The following NOBOX variants were observed in gnomAD, a reference collection of about 807,000 sequenced individuals.
NOBOX encodes NOBOX oogenesis homeobox.
A neutral mutation model predicts 60.2 loss-of-function variants in NOBOX; 46 were observed. The ratio of observed to expected loss-of-function variants is 0.76; its 90% CI spans 0.60 to 0.98. The LOEUF (loss-of-function observed/expected upper bound fraction) is 0.98, where lower values mean the gene tolerates loss of function less well. NOBOX is among the 50% of genes least tolerant of loss of function. NOBOX has a pLI of 0.00. For missense variants in NOBOX, 880 were observed against 865.5 expected (o/e 1.02, Z -0.21); for synonymous variants, 360 against 346.3 (o/e 1.04, Z -0.44).
chr7:144,404,777 G>A, intron 1 of NOBOX: 1 of 1,370,680 alleles, frequency 7.3e-7, no homozygotes, highest in African/African-American at 1.5e-5. Context: ...AGATCTCACA[G>A]GGGTGCAGCC....
intron 1 of NOBOX, among the ~76,000 whole-genome samples, chr7:144,407,773 G>T (rs144203462): frequency 3.3e-4 from 50 of 152,348 alleles, no homozygotes; most frequent in African/African-American, 1.2e-3. Context: ...GCAGGGCCAG[G>T]ACAAGTTCTG....
chr7:144,399,782 G>A lies in NOBOX; in HGVS notation c.1129C>T (p.Pro377Ser). 1 of 1,612,674 alleles carries A rather than the reference G, an allele frequency of 6.2e-7. No individual in the cohort carries two copies. The highest frequency in any genetic ancestry group is 8.5e-7 in the Non-Finnish European group (1 of 1,179,220). Residue 377 changes from proline (P) to serine (S), a missense_variant, in exon 6 of 10, where the codon CCT becomes TCT. Coordinates refer to ENST00000467773, the MANE Select transcript of NOBOX (RefSeq NM_001080413.3). ...CTGCATTGACTGCTGGCAGGGCCAG[G>A]GGCTGCAGGATTGTCCTTGCTTTCT...
intron 1 of NOBOX, among the ~76,000 whole-genome samples, chr7:144,406,092 C>T (rs758113475): frequency 7.2e-5 from 11 of 152,116 alleles, no homozygotes; most frequent in Non-Finnish European, 1.5e-4. Context: ...CCTTCTCTGC[C>T]ATTGTTTATG....
rs2053920539 is a variant in NOBOX, at chr7:144,399,454, G to A, written c.1183C>T (p.Pro395Ser). 1.3e-6 allele frequency: 2 copies of A among 1,585,090 alleles called. No homozygotes were observed. The highest frequency in any genetic ancestry group is 1.7e-6 in the Non-Finnish European group (2 of 1,165,404). ...AAAGGGTCAGGCTTTGGCTCCATGG[G>A]CACAGCAGGTAGGATCTCAGCTGCA... Residue 395 changes from proline (P) to serine (S), a missense_variant, in exon 7 of 10, where the codon CCC becomes TCC. Transcript: ENST00000467773.
rs903795865 is a variant in NOBOX at position 144,401,553 on chromosome 7, C to T, written c.337G>A (p.Glu113Lys). 1 of 1,512,772 alleles carries T rather than the reference C, an allele frequency of 6.6e-7. No individual in the cohort carries two copies. The highest frequency in any genetic ancestry group is 1.4e-5 in the African/African-American group (1 of 71,672). The allele number at this position is 1,512,772 out of a possible 1,614,324, so 93.7% of individuals were successfully genotyped here. ...GGGGCTGAGCCCCGGAGCAGTTCCT[C>T]CTCCCCGGGTCCTGCAGCCAGGGGC... The change falls in exon 4 of 10, where the codon GAG becomes AAG. Residue 113 changes from glutamate to lysine, a missense_variant. Transcript: ENST00000467773. This position sits in a 1 kb window ranked among gnomAD's most constrained non-coding sequence, Gnocchi z 4.2.
At position 144,401,241 on chromosome 7, in the gene NOBOX, T is replaced by C. The variant is rs1275096407; in HGVS notation, c.649A>G (p.Thr217Ala). Residue 217 changes from threonine (T) to alanine (A), a missense_variant, in exon 4 of 10, where the codon ACA becomes GCA. Thr to Ala is a moderately conservative substitution (Grantham distance 58). Coordinates refer to ENST00000467773, the MANE Select transcript of NOBOX (RefSeq NM_001080413.3). The surrounding 1 kb of genome is among the most constrained non-coding windows in gnomAD (Gnocchi z 4.2). The stretch of plus-strand genomic sequence containing the variant: ...GAGTTAGGGGCACCCGGAGATGATG[T>C]TGGGGCCAGACCCATGGCATTAGGC... 2 of 1,613,604 alleles carry C rather than the reference T, an allele frequency of 1.2e-6. No individual in the cohort carries two copies. Among genetic ancestry groups the C allele is most frequent in the South Asian group, 1.1e-5 (1 of 90,990 alleles).
chr7:144,404,597 TG>T lies in NOBOX; in HGVS notation c.168del (p.Phe56LeufsTer21). The T allele has an allele frequency of 1.2e-6, 2 of 1,613,756 alleles. No homozygotes were observed. The highest frequency in any genetic ancestry group is 1.7e-6 in the Non-Finnish European group (2 of 1,179,856). ...AGAGCACAAAGGCTGCACCGGATGA[TG>T]AAGAAGGAGCTGAAAGAGCCACAGA... On this transcript the variant is annotated frameshift_variant, in exon 2 of 10. Transcript: ENST00000467773. LOFTEE classifies it high-confidence loss of function.
chr7:144,403,596 T>TGCC, intron 2 of NOBOX, 61 bp downstream of exon 1: 1 of 559,320 alleles, frequency 1.8e-6, no homozygotes, highest in South Asian at 1.6e-5. Flanking sequence ...ATCACAGGCC[T>TGCC]CCCCCCCTCC....
At position 144,401,320 on chromosome 7, in the gene NOBOX, T is replaced by C; in HGVS notation, c.570A>G (p.Gly190=). 1 of 1,613,652 alleles carries C rather than the reference T, an allele frequency of 6.2e-7. No individual in the cohort carries two copies. Among genetic ancestry groups the C allele is most frequent in the Non-Finnish European group, 8.5e-7 (1 of 1,179,760 alleles). ...AGGACCTCTTTCCTATCTTCACCTC[T>C]CCCACTGGGAGGGAACAATCTTCCC... The change falls in exon 4 of 10, where the codon GGA becomes GGG. Residue 190 remains glycine (G), a synonymous_variant. Coordinates refer to ENST00000467773, the MANE Select transcript of NOBOX (RefSeq NM_001080413.3). The surrounding 1 kb of genome is among the most constrained non-coding windows in gnomAD (Gnocchi z 4.2).
chr7:144,399,420 T>TC lies in NOBOX; in HGVS notation c.1216dup (p.Glu406GlyfsTer17). The TC allele has an allele frequency of 6.3e-7, 1 of 1,587,048 alleles. No homozygotes were observed. The highest frequency in any genetic ancestry group is 8.6e-7 in the Non-Finnish European group (1 of 1,166,404). ...ACCTGGAAAGGTATCCAGAGGGGAC[T>TC]CCTGAGGGAAAGGGTCAGGCTTTGG... is the stretch of plus-strand genomic sequence containing the variant. On this transcript the variant is annotated frameshift_variant, in exon 7 of 10. Coordinates refer to ENST00000467773, the MANE Select transcript of NOBOX (RefSeq NM_001080413.3). LOFTEE classifies it high-confidence loss of function.
rs749678424 is a variant in NOBOX, at chr7:144,401,861, G to A, written c.292+8C>T. The A allele has an allele frequency of 1.9e-6, 3 of 1,573,622 alleles. No homozygotes were observed. The highest frequency in any genetic ancestry group is 2.6e-6 in the Non-Finnish European group (3 of 1,144,182). The stretch of plus-strand genomic sequence containing the variant: ...GCTCATGGTATCTCCTAATTTGGGG[G>A]TACTCACCCCTTGTGAGTTCCCTTT... On this transcript the variant is annotated splice_region_variant and intron_variant, in intron 3 of 9. Coordinates refer to ENST00000467773, the MANE Select transcript of NOBOX (RefSeq NM_001080413.3). The surrounding 1 kb of genome is among the most constrained non-coding windows in gnomAD (Gnocchi z 4.2).
chr7:144,401,692 T>A lies in NOBOX; in HGVS notation c.293-95A>T, dbSNP rs2053940979. On this transcript the variant is annotated intron_variant, in intron 3 of 9. Transcript: ENST00000467773. The surrounding 1 kb of genome is among the most constrained non-coding windows in gnomAD (Gnocchi z 4.2). ...GCTTCCTGCTTTGCAAACGGTTTGA[T>A]CTTAAGCTTTAATTTGTCTACCTAT... 9 of 1,286,566 alleles carry A rather than the reference T, an allele frequency of 7.0e-6. No homozygotes were observed. In the East Asian group the frequency reaches 2.1e-4, roughly 30 times the overall value. The allele number at this position is 1,286,566 out of a possible 1,614,324, so 79.7% of individuals were successfully genotyped here.
At chr7:144,399,533 A>G in intron 6 of NOBOX, 51 bp from the exon 5 acceptor site, 1 of 1,447,726 alleles carries the variant, frequency 6.9e-7, no homozygotes, top group Non-Finnish European at 9.5e-7. Flanking sequence ...CTGGATTTGC[A>G]CAGGTGCCTC....
chr7:144,401,226 C>T lies in NOBOX; in HGVS notation c.664G>A (p.Ala222Thr), dbSNP rs2053936020. Residue 222 changes from alanine to threonine, a missense_variant, in exon 4 of 10, where the codon GCC becomes ACC. Ala to Thr is a moderately conservative substitution (Grantham distance 58). Transcript: ENST00000467773. This position sits in a 1 kb window ranked among gnomAD's most constrained non-coding sequence, Gnocchi z 4.2. ...TGTGTGGCACGGGCTGAGTTAGGGG[C>T]ACCCGGAGATGATGTTGGGGCCAGA... is the stretch of plus-strand genomic sequence containing the variant. 2.5e-6 allele frequency: 4 copies of T among 1,613,590 alleles called. No homozygotes were observed. Among genetic ancestry groups the T allele is most frequent in the Non-Finnish European group, 2.5e-6 (3 of 1,179,730 alleles).
chr7:144,404,011 G>A (rs1303271535), intron 2 of NOBOX, among the ~76,000 whole-genome samples: 1 of 152,048 alleles, frequency 6.6e-6, no homozygotes, highest in African/African-American at 2.4e-5. Context: ...GCGAGGCTGG[G>A]GTGGGAGGCG....
chr7:144,399,776 G>C lies in NOBOX; in HGVS notation c.1135C>G (p.Pro379Ala). The C allele has an allele frequency of 6.2e-7, 1 of 1,612,256 alleles. No homozygotes were observed. Among genetic ancestry groups the C allele is most frequent in the Non-Finnish European group, 8.5e-7 (1 of 1,178,988 alleles). Residue 379 changes from proline (P) to alanine (A), a missense_variant, in exon 6 of 10, where the codon CCT (proline) becomes GCT (alanine). Coordinates refer to ENST00000467773, the MANE Select transcript of NOBOX (RefSeq NM_001080413.3). ...TCTGACCTGCATTGACTGCTGGCAG[G>C]GCCAGGGGCTGCAGGATTGTCCTTG...
intron 1 of NOBOX, among the ~76,000 whole-genome samples, chr7:144,408,581 G>A (rs1263687992): frequency 6.6e-6 from 1 of 152,164 alleles, no homozygotes; most frequent in East Asian, 1.9e-4. Context: ...AGAAAATGTA[G>A]CATAAAGAGT....
downstream of NOBOX, chr7:144,397,119 GT>G: frequency 1.2e-6 from 1 of 828,956 alleles, no homozygotes; most frequent in Admixed American, 2.9e-5. Flanking sequence ...CAGGGGAAAC[GT>G]CTAACTCTCC....
In NOBOX at chr7:144,400,209, G is replaced by A. The variant is rs1367386007; in HGVS notation, c.948C>T (p.Ile316=). 1 of 1,614,030 alleles carries A rather than the reference G, an allele frequency of 6.2e-7. No individual in the cohort carries two copies. The highest frequency in any genetic ancestry group is 1.7e-5 in the Admixed American group (1 of 60,030). Reference sequence around the variant, plus strand: ...CCAGTGAGCCGGCCCCCTTTACCATGATGCGCTGGGGGGTCACCCCCACCG... The same window carrying A: ...CCAGTGAGCCGGCCCCCTTTACCATAATGCGCTGGGGGGTCACCCCCACCG... The change falls in exon 5 of 10, where the codon ATC becomes ATT. Residue 316 remains isoleucine (I), a synonymous_variant. Coordinates refer to ENST00000467773, the MANE Select transcript of NOBOX (RefSeq NM_001080413.3).
Sources: allele counts gnomAD v4.1 joint callset (sites outside exome capture counted in the v4.1 genomes callset), GRCh38; gene constraint gnomAD v4.1.1; non-coding constraint Gnocchi (gnomAD v3.1); transcripts MANE v1.5; gene names NCBI Gene and HGNC (gene_info 2026-07-23, HGNC 2026-07-21).